MAGI2: variants seen among roughly 807,000 people sequenced by gnomAD.
MAGI2 encodes the protein membrane-associated guanylate kinase, WW and PDZ domain-containing protein 2.
MAGI2 carries 35 observed loss-of-function variants against 133.3 expected under a neutral mutation model. The observed-to-expected ratio is 0.26, with a 90% confidence interval of 0.20 to 0.35. The LOEUF is 0.35. MAGI2 is among the 10% of genes least tolerant of loss of function. MAGI2 has a pLI of 1.00. For missense variants in MAGI2, 1,636 were observed against 1,863.4 expected (o/e 0.88, Z 2.25); for synonymous variants, 729 against 710.6 (o/e 1.03, Z -0.41).
At chr7:78,344,710 A>T in intron 8 of MAGI2, among the ~76,000 whole-genome samples, 1 of 152,198 alleles carries the variant, frequency 6.6e-6, no homozygotes, top group East Asian at 1.9e-4. Context: ...TTATGAATGT[A>T]AAGGTAACAC....
At chr7:78,433,164 C>A (rs1799957966) in intron 6 of MAGI2, among the ~76,000 whole-genome samples, 1 of 152,056 alleles carries the variant, frequency 6.6e-6, no homozygotes, top group African/African-American at 2.4e-5. Flanking sequence ...TTTTCCCTTA[C>A]CATTAAAATT....
intron 5 of MAGI2, among the ~76,000 whole-genome samples, chr7:78,497,620 C>T (rs1164308518): frequency 6.6e-6 from 1 of 152,090 alleles, no homozygotes; most frequent in Admixed American, 6.6e-5. Context: ...AATGGAATTG[C>T]TTGTTACCTT....
At chr7:78,264,215 C>G (rs140296462) in intron 9 of MAGI2, among the ~76,000 whole-genome samples, 75 of 152,280 alleles carry the variant, frequency 4.9e-4, no homozygotes, top group Admixed American at 1.7e-3. Flanking sequence ...CCATTGTTAT[C>G]TGTACTTGAT....
chr7:78,534,960 C>A (rs531969798), intron 3 of MAGI2, among the ~76,000 whole-genome samples: 55 of 152,166 alleles, frequency 3.6e-4, no homozygotes, highest in African/African-American at 1.3e-3. Flanking sequence ...TGGTGAAACC[C>A]CGTCTCTACT....
At chr7:78,813,081 A>G (rs1251237454) in intron 2 of MAGI2, among the ~76,000 whole-genome samples, 1 of 152,214 alleles carries the variant, frequency 6.6e-6, no homozygotes, top group Non-Finnish European at 1.5e-5. Flanking sequence ...TCTCAAAAGT[A>G]AACAGTGGCA....
chr7:78,423,293 G>A (rs1000496410), intron 6 of MAGI2, among the ~76,000 whole-genome samples: 4 of 152,204 alleles, frequency 2.6e-5, no homozygotes, highest in South Asian at 4.1e-4. Flanking sequence ...TTTGCCTGAC[G>A]CCATCTCCGT....
At chr7:78,512,767 T>G (rs2150562145) in intron 4 of MAGI2, among the ~76,000 whole-genome samples, 1 of 152,344 alleles carries the variant, frequency 6.6e-6, no homozygotes, top group African/African-American at 2.4e-5. Flanking sequence ...TCACAATTAT[T>G]TTTCTTCTAT....
At chr7:78,319,123 C>T (rs1231641198) in intron 9 of MAGI2, among the ~76,000 whole-genome samples, 1 of 152,140 alleles carries the variant, frequency 6.6e-6, no homozygotes. Context: ...AAAATATGAA[C>T]CTTAAATGTA....
At chr7:78,570,745 C>G (rs999386390) in intron 3 of MAGI2, among the ~76,000 whole-genome samples, 1 of 152,122 alleles carries the variant, frequency 6.6e-6, no homozygotes, top group African/African-American at 2.4e-5. Flanking sequence ...GAAGCATTAG[C>G]AGCATGTAAA....
intron 2 of MAGI2, among the ~76,000 whole-genome samples, chr7:78,792,133 G>C (rs1333829422): frequency 6.6e-6 from 1 of 152,062 alleles, no homozygotes; most frequent in East Asian, 1.9e-4. Flanking sequence ...AAGAAACATG[G>C]GGGAGTTGAA....
At chr7:78,128,918 T>C (rs1415599384) in intron 18 of MAGI2, among the ~76,000 whole-genome samples, 1 of 152,208 alleles carries the variant, frequency 6.6e-6, no homozygotes. Context: ...AAATATACTT[T>C]GAATAAGATG....
intron 1 of MAGI2, among the ~76,000 whole-genome samples, chr7:79,019,866 A>T (rs1369897377): frequency 1.3e-5 from 2 of 152,178 alleles, no homozygotes; most frequent in East Asian, 3.9e-4. Flanking sequence ...ATTTCTTCAT[A>T]GCAGCATGAG....
Position 78,054,692 on chromosome 7 carries a change from C to T in MAGI2, c.3706+24255G>A, listed in dbSNP as rs151136597. On this transcript the variant is annotated intron_variant, in intron 21 of 21. Coordinates refer to ENST00000354212, the MANE Select transcript of MAGI2 (RefSeq NM_012301.4). ...TTCTGTTTTGAGACAGGGTCTTGCTCTCTGTCACCCAGGCTGGAGTGCAGT... is the reference window on the plus strand; with the variant it reads ...TTCTGTTTTGAGACAGGGTCTTGCTTTCTGTCACCCAGGCTGGAGTGCAGT... Among the ~76,000 whole-genome samples, 69 of 147,784 alleles carry T rather than the reference C, an allele frequency of 4.7e-4. 1 individual carries two copies. The highest frequency in any genetic ancestry group is 1.6e-3 in the African/African-American group (62 of 39,616).
chr7:78,506,161 T>C (rs117137715), intron 4 of MAGI2, among the ~76,000 whole-genome samples: 27 of 152,304 alleles, frequency 1.8e-4, no homozygotes, highest in Non-Finnish European at 3.7e-4. Flanking sequence ...TCTCAAAAAG[T>C]AATGATGGTG....
rs570378048 is a variant in MAGI2, at chr7:79,228,063, G to A, written c.302-220857C>T. On this transcript the variant is annotated intron_variant, in intron 1 of 21. Coordinates refer to ENST00000354212, the MANE Select transcript of MAGI2 (RefSeq NM_012301.4). The stretch of plus-strand genomic sequence containing the variant: ...ACAAAAGAAAACAAAAACTGCTGAA[G>A]GCTAGGTGCCTTGTCTTACATCTGT... 2.6e-5 allele frequency among the ~76,000 whole-genome samples: 4 copies of A among 152,180 alleles called. No homozygotes were observed. The East Asian group carries it at 7.7e-4, about 29-fold the overall frequency.
intron 16 of MAGI2, among the ~76,000 whole-genome samples, chr7:78,142,139 C>G (rs1693672097): frequency 6.6e-6 from 1 of 152,120 alleles, no homozygotes; most frequent in South Asian, 2.1e-4. Context: ...GTGACCTGGG[C>G]AGTCACACAG....
At chr7:79,452,412 A>G (rs1849346831) in intron 1 of MAGI2, among the ~76,000 whole-genome samples, 1 of 152,130 alleles carries the variant, frequency 6.6e-6, no homozygotes, top group South Asian at 2.1e-4. Flanking sequence ...CACGGAGTGA[A>G]GAAGGGGAAA....
intron 1 of MAGI2, among the ~76,000 whole-genome samples, chr7:79,188,381 G>C (rs1827350753): frequency 6.6e-6 from 1 of 151,738 alleles, no homozygotes; most frequent in Non-Finnish European, 1.5e-5. Flanking sequence ...GTGGTGTTTG[G>C]TTTTCTGTTC....
chr7:78,519,594 A>C (rs1312287107), intron 4 of MAGI2, among the ~76,000 whole-genome samples: 1 of 152,052 alleles, frequency 6.6e-6, no homozygotes, highest in African/African-American at 2.4e-5. Context: ...GGTGATGAAG[A>C]CCTCCTAACC....
Sources: gnomAD v4.1 joint callset for allele counts (sites outside exome capture counted in the v4.1 genomes callset) on GRCh38, gnomAD v4.1.1 for gene constraint, MANE v1.5 for transcripts, NCBI Gene and HGNC (gene_info 2026-07-23, HGNC 2026-07-21) for gene names.